RBFOX1: variants seen among roughly 807,000 people sequenced by gnomAD.
The protein encoded by RBFOX1 is RNA binding fox-1 homolog 1.
Under a neutral mutation model 57.7 loss-of-function variants are expected in RBFOX1, and 8 were observed. That is an observed-to-expected ratio of 0.14 (90% confidence interval 0.08 to 0.25). The LOEUF is 0.25. Among genes scored for constraint, RBFOX1 ranks in the 10% least tolerant of loss-of-function variants. RBFOX1 has a pLI of 1.00. For missense variants in RBFOX1, 611 were observed against 548.5 expected (o/e 1.11, Z -1.14); for synonymous variants, 326 against 222.4 (o/e 1.47, Z -4.15).
intron 4 of RBFOX1, among the ~76,000 whole-genome samples, chr16:7,256,186 C>T (rs191864576): frequency 6.6e-6 from 1 of 152,252 alleles, no homozygotes; most frequent in East Asian, 1.9e-4. Context: ...AGGCGAGAAG[C>T]TGGAGATGGT....
At chr16:7,605,908 G>A (rs1209794973) in intron 9 of RBFOX1, among the ~76,000 whole-genome samples, 2 of 151,976 alleles carry the variant, frequency 1.3e-5, no homozygotes, top group African/African-American at 4.8e-5. Context: ...GCACCATCTT[G>A]GCTCACTGCA....
At chr16:5,653,552 C>G (rs924784147) in intron 3 of RBFOX1, among the ~76,000 whole-genome samples, 1 of 151,984 alleles carries the variant, frequency 6.6e-6, no homozygotes, top group East Asian at 1.9e-4. Flanking sequence ...AGGTGGGGTG[C>G]TGAGCCGTAT....
At chr16:7,605,824 C>A (rs920340446) in intron 9 of RBFOX1, among the ~76,000 whole-genome samples, 3 of 152,174 alleles carry the variant, frequency 2.0e-5, no homozygotes, top group Non-Finnish European at 4.4e-5. Flanking sequence ...ACACCTTACC[C>A]TCCTCTGTCT....
chr16:5,571,480 A>G (rs1271371030), intron 2 of RBFOX1, among the ~76,000 whole-genome samples: 2 of 152,042 alleles, frequency 1.3e-5, no homozygotes, highest in African/African-American at 4.8e-5. Context: ...CTCCCAAAGT[A>G]TAGAGAGCCA....
chr16:7,117,193 G>C (rs901483982), intron 4 of RBFOX1, among the ~76,000 whole-genome samples: 3 of 152,140 alleles, frequency 2.0e-5, no homozygotes, highest in Admixed American at 6.5e-5. Flanking sequence ...TGGAAGACTA[G>C]CTAAGCATTT....
chr16:6,793,652 A>G (rs949051686), intron 3 of RBFOX1, among the ~76,000 whole-genome samples: 1 of 152,236 alleles, frequency 6.6e-6, no homozygotes, highest in Non-Finnish European at 1.5e-5. Context: ...ATCTTGAGCC[A>G]AAGTATTATA....
intron 2 of RBFOX1, among the ~76,000 whole-genome samples, chr16:6,640,492 C>A (rs2098478281): frequency 6.6e-6 from 1 of 152,032 alleles, no homozygotes; most frequent in African/African-American, 2.4e-5. Flanking sequence ...CCTGTAATCC[C>A]AGGTACTTGG....
chr16:7,423,757 G>A (rs978940041), intron 4 of RBFOX1, among the ~76,000 whole-genome samples: 1 of 152,108 alleles, frequency 6.6e-6, no homozygotes, highest in Non-Finnish European at 1.5e-5. Flanking sequence ...CCTCTGTTCT[G>A]TGTCTCTCCT....
chr16:5,936,583 G>A (rs2059173160), intron 4 of RBFOX1, among the ~76,000 whole-genome samples: 1 of 152,158 alleles, frequency 6.6e-6, no homozygotes, highest in South Asian at 2.1e-4. Context: ...GAGAGAGGAA[G>A]GCACAGAAAG....
At chr16:6,841,448 T>G (rs150061292) in intron 3 of RBFOX1, among the ~76,000 whole-genome samples, 3 of 152,240 alleles carry the variant, frequency 2.0e-5, no homozygotes, top group Non-Finnish European at 2.9e-5. Context: ...TGTTTGCTTG[T>G]CAATAAAACC....
At chr16:7,120,331 G>C (rs12926761) in intron 4 of RBFOX1, among the ~76,000 whole-genome samples, 97,135 of 150,922 alleles carry the variant, frequency 0.64, 31,512 homozygotes, top group East Asian at 0.87. Flanking sequence ...GAAGGGAATA[G>C]TAAATGTAAG....
intron 11 of RBFOX1, among the ~76,000 whole-genome samples, chr16:7,639,602 A>G (rs1597099897): frequency 1.3e-5 from 2 of 152,152 alleles, no homozygotes; most frequent in East Asian, 1.9e-4. Context: ...ACAGACAAAT[A>G]TATATAATGC....
chr16:7,016,143 A>T (rs2093899422), intron 3 of RBFOX1, among the ~76,000 whole-genome samples: 1 of 152,134 alleles, frequency 6.6e-6, no homozygotes, highest in South Asian at 2.1e-4. Flanking sequence ...GAAGAGTGAG[A>T]CACCACCAGA....
intron 3 of RBFOX1, among the ~76,000 whole-genome samples, chr16:6,887,551 A>C (rs2064364023): frequency 6.8e-6 from 1 of 147,472 alleles, no homozygotes; most frequent in Non-Finnish European, 1.5e-5. Context: ...AGACACAAAA[A>C]CACATATACT....
intron 3 of RBFOX1, among the ~76,000 whole-genome samples, chr16:5,827,336 G>A (rs1487503511): frequency 2.0e-5 from 3 of 146,646 alleles, no homozygotes; most frequent in African/African-American, 7.7e-5. Context: ...GGGGGCGGAT[G>A]TTGCAGTGAG....
At chr16:6,850,571 C>A (rs1186335417) in intron 3 of RBFOX1, among the ~76,000 whole-genome samples, 1 of 152,128 alleles carries the variant, frequency 6.6e-6, no homozygotes, top group East Asian at 1.9e-4. Context: ...AGATTATATC[C>A]CTACTGGCCT....
At chr16:5,951,729 C>T (rs112572493) in intron 4 of RBFOX1, among the ~76,000 whole-genome samples, 2 of 152,182 alleles carry the variant, frequency 1.3e-5, no homozygotes, top group African/African-American at 4.8e-5. Context: ...TATTTCCATC[C>T]TTCTCCCTTA....
intron 4 of RBFOX1, among the ~76,000 whole-genome samples, chr16:5,919,407 A>G (rs1190839860): frequency 1.3e-5 from 2 of 152,050 alleles, no homozygotes; most frequent in African/African-American, 4.8e-5. Context: ...CAATGGTGCA[A>G]TCTCAGCTCA....
Position 6,317,108 on chromosome 16 carries a change from T to C in RBFOX1, c.-64+51T>C, listed in dbSNP as rs1188093866. ...CATTCCATAAATACATCCATGTCTT[T>C]GATCCTGTTCTCTCTGAAAAGCTCT... On this transcript the variant is annotated intron_variant, in intron 2 of 15. Coordinates refer to ENST00000550418, the MANE Select transcript of RBFOX1 (RefSeq NM_018723.4). 8.2e-6 allele frequency: 12 copies of C among 1,469,582 alleles called. No homozygotes were observed. In the Admixed American group the frequency reaches 9.9e-5, roughly 12 times the overall value. 91.0% of individuals were successfully genotyped at this position (1,469,582 alleles called of 1,614,324 possible). A position where few individuals can be genotyped will look rare whatever the true frequency, so the allele number is the denominator to read the frequency against.
Sources: allele counts gnomAD v4.1 joint callset (sites outside exome capture counted in the v4.1 genomes callset), GRCh38; gene constraint gnomAD v4.1.1; transcripts MANE v1.5; gene names NCBI Gene and HGNC (gene_info 2026-07-23, HGNC 2026-07-21).